Variants in AMOTL1 observed in about 807,000 individuals in gnomAD.
AMOTL1 encodes the protein angiomotin-like protein 1.
Under a neutral mutation model 102.9 loss-of-function variants are expected in AMOTL1, and 45 were observed. The ratio of observed to expected loss-of-function variants is 0.44; its 90% CI spans 0.34 to 0.56. The LOEUF is 0.56. Ranked by LOEUF, AMOTL1 falls within the 20% of genes least tolerant of loss-of-function variation. The pLI is 0.01. For synonymous variants in AMOTL1, 481 were observed against 484.7 expected (o/e 0.99, Z 0.10); for missense variants, 1,114 against 1,225.6 (o/e 0.91, Z 1.36).
chr11:94,799,731 C>T lies in AMOTL1; in HGVS notation c.541C>T (p.Pro181Ser). 1 of 1,613,132 alleles carries T rather than the reference C, an allele frequency of 6.2e-7. No homozygotes were observed. Reference sequence around the variant, plus strand: ...GGAGAAACAGGTCCGGTCCACGCAGCCTCAGCAGAACAACGAGGAACTGCC... The same window carrying T: ...GGAGAAACAGGTCCGGTCCACGCAGTCTCAGCAGAACAACGAGGAACTGCC... ...VMEKQVRSTQ[P>S]QQNNEELPTY... Residue 181 changes from proline to serine, a missense_variant, in exon 3 of 13, where the codon CCT becomes TCT. Pro to Ser is a moderately conservative substitution (Grantham distance 74). Transcript: ENST00000433060. This position sits in a 1 kb window ranked among gnomAD's most constrained non-coding sequence, Gnocchi z 4.5.
intron 1 of AMOTL1, among the ~76,000 whole-genome samples, chr11:94,778,708 A>C (rs562683834): frequency 8.5e-5 from 13 of 152,296 alleles, no homozygotes; most frequent in African/African-American, 3.1e-4. Flanking sequence ...GCACTGTAGG[A>C]TGCCCTGTCT....
Position 94,859,573 on chromosome 11 carries a change from G to T in AMOTL1, c.1993G>T (p.Ala665Ser). ...PANMPEYNAP[A>S]LLELVREKEE... The stretch of plus-strand genomic sequence containing the variant: ...CAACATGCCGGAATACAATGCCCCA[G>T]CCCTCCTGGAACTTGTGCGGGAGAA... The change falls in exon 9 of 13, where the codon GCC becomes TCC. Residue 665 changes from alanine (A) to serine (S), a missense_variant. Physicochemically the swap from Ala to Ser is moderately conservative, Grantham distance 99. Coordinates refer to ENST00000433060, the MANE Select transcript of AMOTL1 (RefSeq NM_130847.3). 1.2e-6 allele frequency: 2 copies of T among 1,613,838 alleles called. No individual in the cohort carries two copies. The highest frequency in any genetic ancestry group is 1.7e-6 in the Non-Finnish European group (2 of 1,179,830).
Position 94,850,257 on chromosome 11 carries a change from G to A in AMOTL1, c.1792G>A (p.Glu598Lys). The A allele has an allele frequency of 6.3e-7, 1 of 1,593,578 alleles. No homozygotes were observed. The highest frequency in any genetic ancestry group is 2.3e-5 in the East Asian group (1 of 44,234). The part of the protein sequence containing the change: ...AQARVIKLEE[E>K]LREKQAYVEK... ...GGCCAGGGTCATCAAGCTGGAAGAG[G>A]AGGTGAGACCAGGCTGTGGGGATTT... is the stretch of plus-strand genomic sequence containing the variant. Residue 598 changes from glutamate to lysine, a missense_variant and splice_region_variant, in exon 7 of 13, where the codon GAG (glutamate) becomes AAG (lysine). Physicochemically the swap from Glu to Lys is moderately conservative, Grantham distance 56 (BLOSUM62 1). Transcript: ENST00000433060.
intron 3 of AMOTL1, among the ~76,000 whole-genome samples, chr11:94,743,648 CTTCTTTT>C: frequency 7.6e-5 from 1 of 13,140 alleles, no homozygotes; most frequent in African/African-American, 1.0e-4. Context: ...ACTCACAATA[CTTCTTTT>C]TTTTTTTTTT....
intron 4 of AMOTL1, among the ~76,000 whole-genome samples, chr11:94,825,602 T>C (rs1951947895): frequency 1.3e-5 from 2 of 152,184 alleles, no homozygotes; most frequent in Non-Finnish European, 2.9e-5. Flanking sequence ...GAATGAGAGC[T>C]GGGAAGGTAA....
upstream of AMOTL1, among the ~76,000 whole-genome samples, chr11:94,766,229 C>T (rs1214658905): frequency 6.6e-6 from 1 of 152,198 alleles, no homozygotes; most frequent in Admixed American, 6.5e-5. Context: ...CCTATCATTG[C>T]TTCCTGCAAC....
intron 4 of AMOTL1, among the ~76,000 whole-genome samples, chr11:94,826,349 G>T (rs1165453168): frequency 6.6e-6 from 1 of 152,090 alleles, no homozygotes; most frequent in Non-Finnish European, 1.5e-5. Flanking sequence ...TCATAACTCT[G>T]TCCTCTGTAA....
At chr11:94,726,827 A>G (rs1249614648) in intron 1 of AMOTL1, among the ~76,000 whole-genome samples, 1 of 152,194 alleles carries the variant, frequency 6.6e-6, no homozygotes, top group Non-Finnish European at 1.5e-5. Flanking sequence ...TTGGAATTTC[A>G]GTAACAGGTG....
Position 94,875,393 on chromosome 11 carries a change from G to A in AMOTL1, c.*4598G>A, listed in dbSNP as rs781167310. The A allele has an allele frequency of 6.6e-6, 1 of 152,206 alleles. No homozygotes were observed. The highest frequency in any genetic ancestry group is 1.5e-5 in the Non-Finnish European group (1 of 68,038). 9.4% of individuals were successfully genotyped at this position (152,206 alleles called of 1,614,324 possible). On this transcript the variant is annotated 3_prime_UTR_variant, in exon 13 of 13. Transcript: ENST00000433060. ...TATAAAGACATGTGTATAAGTGAGT[G>A]CATACATATGAGGTATGACTATAGG... is the stretch of plus-strand genomic sequence containing the variant.
intron 3 of AMOTL1, among the ~76,000 whole-genome samples, chr11:94,754,814 AT>A (rs1354386212): frequency 7.1e-6 from 1 of 141,802 alleles, no homozygotes; most frequent in African/African-American, 2.4e-5. Flanking sequence ...AACAGTGAAT[AT>A]TTTTTTTAGT....
chr11:94,816,627 A>G (rs998889984), intron 3 of AMOTL1, among the ~76,000 whole-genome samples: 1 of 152,094 alleles, frequency 6.6e-6, no homozygotes, highest in Non-Finnish European at 1.5e-5. Context: ...TTTTTTAATT[A>G]AAGTTATCAC....
At chr11:94,717,524 T>TA (rs1463295676) in intron 1 of AMOTL1, among the ~76,000 whole-genome samples, 1 of 151,756 alleles carries the variant, frequency 6.6e-6, no homozygotes, top group Non-Finnish European at 1.5e-5. Context: ...AAAAGAAAGT[T>TA]AAAGCTGTAT....
At chr11:94,758,424 G>A (rs1950753587) in intron 3 of AMOTL1, among the ~76,000 whole-genome samples, 1 of 152,202 alleles carries the variant, frequency 6.6e-6, no homozygotes, top group African/African-American at 2.4e-5. Context: ...TAGAGAAAGT[G>A]CATCAGTGAA....
chr11:94,757,989 G>A lies in AMOTL1; in HGVS notation c.136+17001G>A, dbSNP rs571581924. The stretch of plus-strand genomic sequence containing the variant: ...AGACAGGAGAATAACTTGAACCAGG[G>A]AGGCAGAAGTTGCAGTGAGCCAAGA... On this transcript the variant is annotated intron_variant, in intron 3 of 4. Coordinates refer to the AMOTL1 transcript ENST00000299004. Among the ~76,000 whole-genome samples, 4 of 152,308 alleles carry A rather than the reference G, an allele frequency of 2.6e-5. No individual in the cohort carries two copies. In the East Asian group the frequency reaches 7.7e-4, roughly 29 times the overall value.
At chr11:94,836,427 G>A (rs1441559668) in intron 6 of AMOTL1, among the ~76,000 whole-genome samples, 1 of 152,074 alleles carries the variant, frequency 6.6e-6, no homozygotes, top group African/African-American at 2.4e-5. Flanking sequence ...TTTGGGTGAC[G>A]CTCCACTAAA....
At chr11:94,707,486 A>AT (rs1425163139) in intron 1 of AMOTL1, among the ~76,000 whole-genome samples, 1 of 152,124 alleles carries the variant, frequency 6.6e-6, no homozygotes, top group Non-Finnish European at 1.5e-5. Context: ...TCAAATGAAA[A>AT]TGTTGAGAAT....
rs752532532 is a variant in AMOTL1, at chr11:94,876,455, C to T, written c.*5660C>T. The T allele has an allele frequency of 1.3e-5, 2 of 152,586 alleles. No homozygotes were observed. The highest frequency in any genetic ancestry group is 1.5e-5 in the Non-Finnish European group (1 of 68,070). The allele number at this position is 152,586 out of a possible 1,614,324, so 9.5% of individuals were successfully genotyped here. A position where few individuals can be genotyped will look rare whatever the true frequency, so the allele number is the denominator to read the frequency against. On this transcript the variant is annotated 3_prime_UTR_variant, in exon 13 of 13. Coordinates refer to ENST00000433060, the MANE Select transcript of AMOTL1 (RefSeq NM_130847.3). ...CCAGCAGACTGGTATCTGGCTGTAA[C>T]GTTTGACGTCTTCATATTGCCAGTC... is the stretch of plus-strand genomic sequence containing the variant.
At chr11:94,743,964 G>A (rs1313234269) in intron 3 of AMOTL1, among the ~76,000 whole-genome samples, 1 of 152,050 alleles carries the variant, frequency 6.6e-6, no homozygotes, top group East Asian at 1.9e-4. Flanking sequence ...TGCCTGGCCT[G>A]TACTCACAAT....
intron 3 of AMOTL1, among the ~76,000 whole-genome samples, chr11:94,814,876 G>A (rs561476383): frequency 1.3e-4 from 20 of 152,286 alleles, no homozygotes; most frequent in African/African-American, 4.6e-4. Context: ...CTGCATAAAT[G>A]TTAGATATTC....
Sources: gnomAD v4.1 joint callset for allele counts (sites outside exome capture counted in the v4.1 genomes callset) on GRCh38, gnomAD v4.1.1 for gene constraint, Gnocchi (gnomAD v3.1) non-coding constraint, MANE v1.5 for transcripts, NCBI Gene and HGNC (gene_info 2026-07-23, HGNC 2026-07-21) for gene names.